MAML3: variants seen among roughly 807,000 people sequenced by gnomAD.
MAML3 encodes the protein mastermind like transcriptional coactivator 3.
A neutral mutation model predicts 101.9 loss-of-function variants in MAML3; 27 were observed. The ratio of observed to expected loss-of-function variants is 0.27; its 90% CI spans 0.20 to 0.37. The LOEUF is 0.37. MAML3 is among the 10% of genes least tolerant of loss of function. The pLI is 1.00. For synonymous variants in MAML3, 501 were observed against 555.9 expected (o/e 0.90, Z 1.39); for missense variants, 1,316 against 1,444.9 (o/e 0.91, Z 1.45).
At chr4:140,096,601 A>G (rs1728167298) in intron 1 of MAML3, among the ~76,000 whole-genome samples, 1 of 152,150 alleles carries the variant, frequency 6.6e-6, no homozygotes, top group African/African-American at 2.4e-5. Flanking sequence ...GTAAAATATG[A>G]GAAGAGGCGA....
intron 1 of MAML3, among the ~76,000 whole-genome samples, chr4:140,090,209 A>G (rs1249524174): frequency 6.6e-6 from 1 of 152,192 alleles, no homozygotes; most frequent in Non-Finnish European, 1.5e-5. Flanking sequence ...TTCAATGGAC[A>G]TTCTACAGAG....
chr4:139,856,423 G>A (rs1731664654), intron 2 of MAML3, among the ~76,000 whole-genome samples: 1 of 152,194 alleles, frequency 6.6e-6, no homozygotes, highest in African/African-American at 2.4e-5. Flanking sequence ...ACGGACACAA[G>A]CAGCGACTGA....
intron 1 of MAML3, among the ~76,000 whole-genome samples, chr4:140,105,673 A>C (rs1446415492): frequency 6.6e-6 from 1 of 152,210 alleles, no homozygotes; most frequent in Non-Finnish European, 1.5e-5. Context: ...TCACTGAGAA[A>C]TTAATAAGTG....
At chr4:140,078,866 G>A (rs906082321) in intron 1 of MAML3, among the ~76,000 whole-genome samples, 4 of 152,080 alleles carry the variant, frequency 2.6e-5, no homozygotes, top group Non-Finnish European at 2.9e-5. Flanking sequence ...GGAAACAGAG[G>A]GGTCATTTCC....
At chr4:139,768,815 G>A (rs1285535239) in intron 2 of MAML3, among the ~76,000 whole-genome samples, 1 of 152,192 alleles carries the variant, frequency 6.6e-6, no homozygotes, top group East Asian at 1.9e-4. Flanking sequence ...GGACCAACAG[G>A]AATGCTGGGC....
chr4:139,905,551 C>T (rs964292600), intron 1 of MAML3, among the ~76,000 whole-genome samples: 5 of 146,860 alleles, frequency 3.4e-5, no homozygotes, highest in Admixed American at 1.4e-4. Context: ...GTAAAATATT[C>T]GAAGTGATCT....
intron 2 of MAML3, among the ~76,000 whole-genome samples, chr4:139,737,579 G>C (rs1202201007): frequency 6.6e-6 from 1 of 152,020 alleles, no homozygotes; most frequent in African/African-American, 2.4e-5. Flanking sequence ...ATGTTGTCTG[G>C]TACCCAAAAT....
intron 1 of MAML3, among the ~76,000 whole-genome samples, chr4:139,895,301 T>C (rs560882899): frequency 2.6e-5 from 4 of 152,380 alleles, no homozygotes; most frequent in African/African-American, 9.6e-5. Flanking sequence ...TTGGCTATGA[T>C]ACCTTCCATT....
intron 1 of MAML3, among the ~76,000 whole-genome samples, chr4:140,052,026 C>T (rs1386314426): frequency 6.6e-6 from 1 of 152,154 alleles, no homozygotes; most frequent in Non-Finnish European, 1.5e-5. Context: ...GGCCCTATTT[C>T]CATTCTTCTT....
intron 2 of MAML3, 189 bp downstream of exon 2, chr4:139,889,168 A>G: frequency 9.2e-7 from 1 of 1,090,416 alleles, no homozygotes; most frequent in South Asian, 1.2e-5. Context: ...TTATCATGCC[A>G]CCCTTTTCCA....
chr4:139,993,835 A>T (rs1734751347), intron 1 of MAML3, among the ~76,000 whole-genome samples: 1 of 152,192 alleles, frequency 6.6e-6, no homozygotes, highest in Admixed American at 6.5e-5. Context: ...TCTCAAAAAA[A>T]AAAAGTTTTT....
chr4:139,885,932 CAAAAAAAAAAA>C (rs1182443191), intron 2 of MAML3, among the ~76,000 whole-genome samples: 1 of 20,304 alleles, frequency 4.9e-5, no homozygotes, highest in South Asian at 5.4e-3. Flanking sequence ...GACTCCGTCT[CAAAAAAAAAAA>C]AAAAAAAAAA....
chr4:140,088,069 A>T (rs1227044569), intron 1 of MAML3, among the ~76,000 whole-genome samples: 1 of 152,122 alleles, frequency 6.6e-6, no homozygotes, highest in Admixed American at 6.5e-5. Context: ...ACTCCAAAAA[A>T]AATTTAAAAA....
intron 1 of MAML3, among the ~76,000 whole-genome samples, chr4:139,991,372 C>G (rs1734668513): frequency 1.3e-5 from 2 of 152,066 alleles, no homozygotes; most frequent in Non-Finnish European, 2.9e-5. Flanking sequence ...AAACTGGATC[C>G]CTTCCTTACA....
chr4:140,071,628 C>T (rs1168295131), intron 1 of MAML3, among the ~76,000 whole-genome samples: 1 of 150,882 alleles, frequency 6.6e-6, no homozygotes, highest in Non-Finnish European at 1.5e-5. Context: ...TTCTTAGACC[C>T]ACAGCCACAT....
chr4:139,861,476 G>GGTGTGTGTGTGTGTGT (rs1560816892), intron 2 of MAML3, among the ~76,000 whole-genome samples: 1 of 43,200 alleles, frequency 2.3e-5, no homozygotes, highest in African/African-American at 1.8e-4. Context: ...CTAACCAGCC[G>GGTGTGTGTGTGTGTGT]ATGTGTGTGT....
chr4:140,115,958 T>C lies in MAML3; in HGVS notation c.468+36902A>G, dbSNP rs185529853. 1.4e-3 allele frequency among the ~76,000 whole-genome samples: 206 copies of C among 152,314 alleles called. 2 individuals carry two copies. Among genetic ancestry groups the C allele is most frequent in the African/African-American group, 3.5e-3 (145 of 41,586 alleles). ...ACTAGTGGAAGGTGACATGGAATAA[T>C]AGAAAATTGGAATTACTTTTAAGTA... On this transcript the variant is annotated intron_variant, in intron 1 of 4. Coordinates refer to ENST00000509479, the MANE Select transcript of MAML3 (RefSeq NM_018717.5).
intron 1 of MAML3, among the ~76,000 whole-genome samples, chr4:140,102,029 A>AAATGAAGT (rs1428174658): frequency 7.9e-5 from 12 of 152,336 alleles, no homozygotes; most frequent in Admixed American, 6.5e-4. Flanking sequence ...CAGCCAGGCA[A>AAATGAAGT]AATGAAGTGG....
At chr4:140,093,081 G>A (rs190447853) in intron 1 of MAML3, among the ~76,000 whole-genome samples, 51 of 152,302 alleles carry the variant, frequency 3.3e-4, no homozygotes, top group Non-Finnish European at 5.9e-4. Flanking sequence ...TTTTATGCGA[G>A]CAGATTTCCA....
Sources: gnomAD v4.1 joint callset for allele counts (sites outside exome capture counted in the v4.1 genomes callset) on GRCh38, gnomAD v4.1.1 for gene constraint, MANE v1.5 for transcripts, NCBI Gene and HGNC (gene_info 2026-07-23, HGNC 2026-07-21) for gene names.